CTNNBL1: variants seen among roughly 807,000 people sequenced by gnomAD.
CTNNBL1 encodes the protein beta-catenin-like protein 1.
A neutral mutation model predicts 72.7 loss-of-function variants in CTNNBL1; 31 were observed. That is an observed-to-expected ratio of 0.43 (90% confidence interval 0.32 to 0.58). The LOEUF is 0.58. Among genes scored for constraint, CTNNBL1 ranks in the 20% least tolerant of loss-of-function variants. The pLI, the probability that CTNNBL1 is intolerant of heterozygous loss-of-function variation, is 0.08. For synonymous variants in CTNNBL1, 240 were observed against 267.3 expected, an observed-to-expected ratio of 0.90 and a Z score of 1.00; for missense variants, 534 against 725.1, an observed-to-expected ratio of 0.74 and a Z score of 3.03.
chr20:37,794,250 A>C (rs565021627), intron 10 of CTNNBL1, among the ~76,000 whole-genome samples: 12 of 152,258 alleles, frequency 7.9e-5, no homozygotes, highest in African/African-American at 2.6e-4. Context: ...CATCTCTGGT[A>C]ATGCTGGTCT....
At chr20:37,862,442 G>T (rs907968259) in intron 15 of CTNNBL1, among the ~76,000 whole-genome samples, 7 of 152,128 alleles carry the variant, frequency 4.6e-5, no homozygotes, top group Admixed American at 4.6e-4. Flanking sequence ...GTAGTAGTTG[G>T]ATGTTTTTCT....
intron 1 of CTNNBL1, among the ~76,000 whole-genome samples, chr20:37,707,466 T>C (rs2072896695): frequency 6.6e-6 from 1 of 152,242 alleles, no homozygotes; most frequent in Non-Finnish European, 1.5e-5. Flanking sequence ...TTAAGCCTTA[T>C]GAATAAGCCT....
chr20:37,777,411 A>T lies in CTNNBL1; in HGVS notation c.817A>T (p.Asn273Tyr). The part of the protein sequence containing the change: ...SEVLAILLQD[N>Y]DENRELLGEL... ...AGTGCTGGCCATATTGCTCCAGGAC[A>T]ATGATGGTGAGGCGCCCTCTCAGTA... Residue 273 changes from asparagine to tyrosine, a missense_variant, in exon 8 of 16, where the codon AAT becomes TAT. Physicochemically the swap from Asn to Tyr is moderately radical, Grantham distance 143. Coordinates refer to ENST00000361383, the MANE Select transcript of CTNNBL1 (RefSeq NM_030877.5). The T allele has an allele frequency of 6.2e-7, 1 of 1,613,836 alleles. No individual in the cohort carries two copies. The highest frequency in any genetic ancestry group is 1.1e-5 in the South Asian group (1 of 91,068).
At chr20:37,711,254 C>A (rs1368322478) in intron 1 of CTNNBL1, among the ~76,000 whole-genome samples, 1 of 152,078 alleles carries the variant, frequency 6.6e-6, no homozygotes, top group Non-Finnish European at 1.5e-5. Flanking sequence ...GTTTCCTAGT[C>A]ATTCACCAGG....
chr20:37,736,382 G>A (rs2073171767), intron 2 of CTNNBL1, among the ~76,000 whole-genome samples: 1 of 152,130 alleles, frequency 6.6e-6, no homozygotes, highest in Non-Finnish European at 1.5e-5. Context: ...CTGACTCAGA[G>A]TTTGACCTTA....
chr20:37,805,204 C>T (rs899485447), intron 11 of CTNNBL1, among the ~76,000 whole-genome samples: 9 of 152,322 alleles, frequency 5.9e-5, no homozygotes, highest in African/African-American at 1.7e-4. Context: ...GCCCTTCTCA[C>T]GTAAGTGGGC....
intron 15 of CTNNBL1, among the ~76,000 whole-genome samples, chr20:37,865,132 C>T (rs1464820951): frequency 6.6e-6 from 1 of 152,122 alleles, no homozygotes; most frequent in Admixed American, 6.5e-5. Context: ...GCAGGGCACT[C>T]ACCTTTAGAG....
intron 10 of CTNNBL1, among the ~76,000 whole-genome samples, chr20:37,794,501 TTG>T (rs1319284248): frequency 6.6e-6 from 1 of 151,652 alleles, no homozygotes; most frequent in East Asian, 1.9e-4. Flanking sequence ...TGCTTTTTGT[TTG>T]TGTTTTTTTG....
rs561138951 is a variant in CTNNBL1, at chr20:37,705,991, T to C, written c.30+11839T>C. 2.6e-5 allele frequency among the ~76,000 whole-genome samples: 4 copies of C among 152,372 alleles called. No homozygotes were observed. In the South Asian group the frequency reaches 8.3e-4, roughly 32 times the overall value. On this transcript the variant is annotated intron_variant, in intron 1 of 15. Coordinates refer to ENST00000361383, the MANE Select transcript of CTNNBL1 (RefSeq NM_030877.5). ...AAAGCAAGTCATACAAATCTTTTGGTTTCCCAGTGCATATTAAAGTTCTGT... is the reference window on the plus strand; with the variant it reads ...AAAGCAAGTCATACAAATCTTTTGGCTTCCCAGTGCATATTAAAGTTCTGT...
intron 10 of CTNNBL1, among the ~76,000 whole-genome samples, chr20:37,793,742 A>G (rs1050602252): frequency 1.3e-5 from 2 of 152,128 alleles, no homozygotes; most frequent in Non-Finnish European, 2.9e-5. Flanking sequence ...CCTGTTATAC[A>G]TTGTTGTTTT....
chr20:37,800,318 T>G (rs2073813217), intron 10 of CTNNBL1, among the ~76,000 whole-genome samples: 1 of 152,166 alleles, frequency 6.6e-6, no homozygotes, highest in African/African-American at 2.4e-5. Flanking sequence ...TTGACCCGGC[T>G]TCCCTCTCTT....
At chr20:37,786,874 A>G (rs1472007270) in intron 10 of CTNNBL1, among the ~76,000 whole-genome samples, 1 of 152,218 alleles carries the variant, frequency 6.6e-6, no homozygotes, top group East Asian at 1.9e-4. Flanking sequence ...AATAGAGGCT[A>G]TAAAATACAT....
chr20:37,822,882 C>T (rs1600509991), intron 11 of CTNNBL1, among the ~76,000 whole-genome samples: 1 of 152,174 alleles, frequency 6.6e-6, no homozygotes, highest in Admixed American at 6.5e-5. Flanking sequence ...AATGGTTTTT[C>T]GCTCCTCAGA....
chr20:37,757,078 T>G (rs1490193154), intron 4 of CTNNBL1: 1 of 152,408 alleles, frequency 6.6e-6, no homozygotes, highest in African/African-American at 2.4e-5. Context: ...CCATATAAAT[T>G]TTTCCCTTTG....
chr20:37,701,240 C>T (rs141545659), intron 1 of CTNNBL1, among the ~76,000 whole-genome samples: 191 of 152,214 alleles, frequency 1.3e-3, no homozygotes, highest in African/African-American at 4.4e-3. Flanking sequence ...AGTGATAGAC[C>T]ATTTTCCCTA....
chr20:37,703,319 G>A (rs1362407033), intron 1 of CTNNBL1, among the ~76,000 whole-genome samples: 1 of 152,102 alleles, frequency 6.6e-6, no homozygotes, highest in African/African-American at 2.4e-5. Flanking sequence ...TTCTATCCAG[G>A]ATCCCACATA....
rs759434390 is a variant in CTNNBL1, at chr20:37,732,905, G to T, written c.57G>T (p.Arg19=). 1 of 1,613,896 alleles carries T rather than the reference G, an allele frequency of 6.2e-7. No homozygotes were observed. Among genetic ancestry groups the T allele is most frequent in the Non-Finnish European group, 8.5e-7 (1 of 1,180,022 alleles). Residue 19 remains arginine, a synonymous_variant, in exon 2 of 16, where the codon CGG becomes CGT. Transcript: ENST00000361383. ...YQPNRGTKRP[R]DDEEEEQKMR... ...CCAATAGGGGCACAAAACGTCCCCG[G>T]GATGATGAAGAGGAGGAGCAGAAGA...
intron 11 of CTNNBL1, among the ~76,000 whole-genome samples, chr20:37,807,388 C>G (rs2071969086): frequency 2.0e-5 from 3 of 152,188 alleles, no homozygotes; most frequent in African/African-American, 7.2e-5. Context: ...AATGCCCACA[C>G]CTCTACTGTG....
At chr20:37,799,917 T>C (rs2073809768) in intron 10 of CTNNBL1, among the ~76,000 whole-genome samples, 1 of 152,200 alleles carries the variant, frequency 6.6e-6, no homozygotes, top group Non-Finnish European at 1.5e-5. Flanking sequence ...AGTGGAACAG[T>C]CCTAAGTAAA....
Sources: gnomAD v4.1 joint callset for allele counts (sites outside exome capture counted in the v4.1 genomes callset) on GRCh38, gnomAD v4.1.1 for gene constraint, MANE v1.5 for transcripts, NCBI Gene and HGNC (gene_info 2026-07-23, HGNC 2026-07-21) for gene names.